IQCM: variants seen among roughly 807,000 people sequenced by gnomAD.
IQCM encodes the protein IQ domain-containing protein M.
Under a neutral mutation model 57.6 loss-of-function variants are expected in IQCM, and 45 were observed. That is an observed-to-expected ratio of 0.78 (90% CI 0.62 to 1.00). IQCM has a LOEUF of 1.00. IQCM is among the 50% of genes least tolerant of loss of function. The pLI, the probability that IQCM is intolerant of heterozygous loss-of-function variation, is 0.00. For missense variants in IQCM, 468 were observed against 511.6 expected, an observed-to-expected ratio of 0.91 and a Z score of 0.82; for synonymous variants, 148 against 158.9, an observed-to-expected ratio of 0.93 and a Z score of 0.51.
chr4:149,643,977 G>A (rs1335826394), intron 7 of IQCM, among the ~76,000 whole-genome samples: 1 of 152,168 alleles, frequency 6.6e-6, no homozygotes, highest in Non-Finnish European at 1.5e-5. Context: ...GTGATAAAGT[G>A]GTCTAAATGG....
At chr4:149,443,248 G>T (rs560594652) in intron 12 of IQCM, among the ~76,000 whole-genome samples, 4 of 151,940 alleles carry the variant, frequency 2.6e-5, no homozygotes, top group African/African-American at 9.7e-5. Flanking sequence ...AACTTCAATC[G>T]AATCTAGAAA....
chr4:149,559,381 T>C (rs1290280871), intron 10 of IQCM, among the ~76,000 whole-genome samples: 3 of 152,174 alleles, frequency 2.0e-5, no homozygotes, highest in Admixed American at 6.6e-5. Flanking sequence ...TTTACTGCCA[T>C]TGTCCTCCCA....
intron 13 of IQCM, among the ~76,000 whole-genome samples, chr4:149,379,951 ATGG>A (rs1167635015): frequency 3.9e-5 from 6 of 152,046 alleles, no homozygotes; most frequent in South Asian, 2.1e-4. Flanking sequence ...TACTGTTCTC[ATGG>A]TGGTGAATAA....
At chr4:149,734,135 GA>G (rs1476263671) in intron 4 of IQCM, among the ~76,000 whole-genome samples, 1 of 151,972 alleles carries the variant, frequency 6.6e-6, no homozygotes, top group Non-Finnish European at 1.5e-5. Context: ...CACACAGAGA[GA>G]GCTATAGTTC....
At chr4:149,689,999 G>A (rs1009769943) in intron 5 of IQCM, among the ~76,000 whole-genome samples, 2 of 152,116 alleles carry the variant, frequency 1.3e-5, no homozygotes, top group African/African-American at 4.8e-5. Context: ...GGAAAACAGT[G>A]TGGGGATTCC....
chr4:149,714,064 C>T (rs190386878), intron 5 of IQCM, among the ~76,000 whole-genome samples: 3 of 152,280 alleles, frequency 2.0e-5, no homozygotes, highest in Admixed American at 2.0e-4. Flanking sequence ...ATTGATCACG[C>T]TACTAAAATA....
intron 7 of IQCM, among the ~76,000 whole-genome samples, chr4:149,637,379 G>A (rs1757823112): frequency 6.6e-6 from 1 of 152,054 alleles, no homozygotes; most frequent in Admixed American, 6.6e-5. Context: ...AGAGATTAAA[G>A]AAGGCCTAAA....
intron 13 of IQCM, among the ~76,000 whole-genome samples, chr4:149,412,919 G>C (rs1733490431): frequency 6.6e-6 from 1 of 152,184 alleles, no homozygotes; most frequent in African/African-American, 2.4e-5. Flanking sequence ...GGAGGTAGGA[G>C]AGTGGTGGGT....
At chr4:149,702,315 C>A (rs1304262144) in intron 5 of IQCM, among the ~76,000 whole-genome samples, 1 of 151,394 alleles carries the variant, frequency 6.6e-6, no homozygotes, top group Non-Finnish European at 1.5e-5. Context: ...CACACACACA[C>A]ACACACACAC....
intron 12 of IQCM, among the ~76,000 whole-genome samples, chr4:149,458,158 AT>A (rs1387926712): frequency 6.6e-6 from 1 of 152,090 alleles, no homozygotes; most frequent in Non-Finnish European, 1.5e-5. Flanking sequence ...AAACTGCTTA[AT>A]TTTATACTTG....
Position 149,385,878 on chromosome 4 carries a change from T to C in IQCM, c.1391-33812A>G, listed in dbSNP as rs186689129. On this transcript the variant is annotated intron_variant, in intron 13 of 13. Transcript: ENST00000636793. ...ACTTCAGTAATTAGATGAATGCCTA[T>C]CATATACTAAATGCTTAATAAATAC... 1.8e-4 allele frequency among the ~76,000 whole-genome samples: 27 copies of C among 152,230 alleles called. No homozygotes were observed. The East Asian group carries it at 5.2e-3, about 30-fold the overall frequency.
At chr4:149,674,884 T>C (rs1002902547) in intron 7 of IQCM, among the ~76,000 whole-genome samples, 1 of 152,144 alleles carries the variant, frequency 6.6e-6, no homozygotes, top group South Asian at 2.1e-4. Flanking sequence ...AATTAAAAAC[T>C]TGATATCTGG....
At chr4:149,606,558 A>G (rs556723361) in intron 8 of IQCM, among the ~76,000 whole-genome samples, 2 of 152,328 alleles carry the variant, frequency 1.3e-5, no homozygotes, top group African/African-American at 2.4e-5. Context: ...CACCAAATTG[A>G]CAAAATAAGG....
chr4:149,628,569 C>T (rs969147359), intron 7 of IQCM, among the ~76,000 whole-genome samples: 1 of 151,942 alleles, frequency 6.6e-6, no homozygotes, highest in African/African-American at 2.4e-5. Flanking sequence ...AATAAATATC[C>T]ATCAAAGGAA....
chr4:149,463,945 G>GACCT (rs1034606395), intron 12 of IQCM, among the ~76,000 whole-genome samples: 15 of 152,158 alleles, frequency 9.9e-5, no homozygotes, highest in African/African-American at 3.6e-4. Flanking sequence ...CAATAAGTAG[G>GACCT]ACCTTTTTCG....
chr4:149,396,465 A>G (rs1038106853), intron 13 of IQCM, among the ~76,000 whole-genome samples: 2 of 152,082 alleles, frequency 1.3e-5, no homozygotes, highest in Non-Finnish European at 2.9e-5. Flanking sequence ...ACAAGCATAC[A>G]TTATACAGCT....
rs551180227 is a variant in IQCM, at chr4:149,448,515, G to A, written c.1229-14958C>T. ...AAAAATACAGATCAGAGGAGAAAAC[G>A]GTGAAATATAAAACAAAAACAATAA... On this transcript the variant is annotated intron_variant, in intron 12 of 13. Coordinates refer to ENST00000636793, the MANE Select transcript of IQCM (RefSeq NM_001363507.2). 1.1e-4 allele frequency among the ~76,000 whole-genome samples: 17 copies of A among 150,518 alleles called. No homozygotes were observed. The South Asian group carries it at 3.4e-3, about 30-fold the overall frequency.
At position 149,368,996 on chromosome 4, in the gene IQCM, ATATATATATATACACGTG is replaced by A. The variant is rs1367085628; in HGVS notation, c.1391-16948_1391-16931del. Among the ~76,000 whole-genome samples the A allele has an allele frequency of 3.1e-4, 24 of 77,286 alleles. 6 individuals carry two copies. The highest frequency in any genetic ancestry group is 1.3e-4 in the Non-Finnish European group (5 of 38,418). 50.7% of individuals were successfully genotyped at this position (77,286 alleles called of 152,430 possible). On this transcript the variant is annotated intron_variant, in intron 13 of 13. Transcript: ENST00000636793. ...TATGTGTATATATATACACGTGTATATATATATATATACACGTGTATATATATATATATACATGTGTAT... is the reference window on the plus strand; with the variant it reads ...TATGTGTATATATATACACGTGTATATATATATATATATATACATGTGTAT...
At chr4:149,534,049 A>G (rs1301470800) in intron 12 of IQCM, among the ~76,000 whole-genome samples, 1 of 152,160 alleles carries the variant, frequency 6.6e-6, no homozygotes, top group Admixed American at 6.6e-5. Context: ...AATTTTAGAC[A>G]GTGACAGTGA....
Sources: gnomAD v4.1 joint callset for allele counts (sites outside exome capture counted in the v4.1 genomes callset) on GRCh38, gnomAD v4.1.1 for gene constraint, MANE v1.5 for transcripts, NCBI Gene and HGNC (gene_info 2026-07-23, HGNC 2026-07-21) for gene names.